The following AP1M1 variants were observed in gnomAD, a reference collection of about 807,000 sequenced individuals.
AP1M1 encodes AP-1 complex subunit mu-1.
Under a neutral mutation model 57.1 loss-of-function variants are expected in AP1M1, and 18 were observed. The ratio of observed to expected loss-of-function variants is 0.32; its 90% CI spans 0.22 to 0.47. AP1M1 has a LOEUF of 0.47. Ranked by LOEUF, AP1M1 falls within the 20% of genes least tolerant of loss-of-function variation. The probability of loss-of-function intolerance (pLI) is 1.00; values close to 1 mark genes in which losing one functional copy is unlikely to be tolerated. For missense variants in AP1M1, 362 were observed against 593.5 expected (o/e 0.61, Z 4.05); for synonymous variants, 241 against 237.9 (o/e 1.01, Z -0.12).
At chr19:16,199,669 A>G (rs2091439301) in intron 1 of AP1M1, among the ~76,000 whole-genome samples, 1 of 152,082 alleles carries the variant, frequency 6.6e-6, no homozygotes, top group Admixed American at 6.5e-5. Flanking sequence ...AAAGTCAACA[A>G]CTGGTGAGAC....
At chr19:16,229,921 CA>C (rs1292001145) in intron 9 of AP1M1, among the ~76,000 whole-genome samples, 4 of 152,222 alleles carry the variant, frequency 2.6e-5, no homozygotes, top group African/African-American at 9.6e-5. Flanking sequence ...TCTTGGCGGT[CA>C]CCTTTGGGAG....
chr19:16,210,307 A>G (rs1382554985), intron 5 of AP1M1: 1 of 697,696 alleles, frequency 1.4e-6, no homozygotes, highest in Non-Finnish European at 2.7e-6. Flanking sequence ...TAGAGTTGCT[A>G]GAAACATGTC....
intron 6 of AP1M1, 123 bp downstream of exon 6, chr19:16,226,670 C>T: frequency 1.6e-6 from 2 of 1,213,332 alleles, no homozygotes; most frequent in Non-Finnish European, 2.3e-6. Flanking sequence ...GGTTGAGCAG[C>T]ACTTCACACT....
intron 5 of AP1M1, among the ~76,000 whole-genome samples, chr19:16,222,924 T>C (rs1380801888): frequency 6.6e-6 from 1 of 152,244 alleles, no homozygotes. Flanking sequence ...ATTTTAAAAA[T>C]AGCTGTTTAA....
chr19:16,203,721 T>A lies in AP1M1; in HGVS notation c.199+106T>A. 7.1e-6 allele frequency: 9 copies of A among 1,260,362 alleles called. No individual in the cohort carries two copies. Among genetic ancestry groups the A allele is most frequent in the Admixed American group, 2.3e-5 (1 of 42,626 alleles). The allele number at this position is 1,260,362 out of a possible 1,614,324, so 78.1% of individuals were successfully genotyped here. ...GGCTGGTTTGTGCACAGCGCAAGCA[T>A]TGGACACAGCCATGCCCTCCTGGAG... On this transcript the variant is annotated intron_variant, in intron 2 of 11. Coordinates refer to ENST00000291439, the MANE Select transcript of AP1M1 (RefSeq NM_032493.4). This position sits in a 1 kb window ranked among gnomAD's most constrained non-coding sequence, Gnocchi z 4.6.
At chr19:16,226,772 T>A in intron 6 of AP1M1, 1 of 536,490 alleles carries the variant, frequency 1.9e-6, no homozygotes, top group Non-Finnish European at 3.2e-6. Flanking sequence ...GAGGCCCCCG[T>A]CACCCGGCCT....
Position 16,198,001 on chromosome 19 carries a change from C to CGCTGCCGCCGCCACCGCCCTCGGCG in AP1M1, c.-19_-18insCCGCCACCGCCCTCGGCGGCTGCCG. 1 of 1,564,158 alleles carries CGCTGCCGCCGCCACCGCCCTCGGCG rather than the reference C, an allele frequency of 6.4e-7. No individual in the cohort carries two copies. The highest frequency in any genetic ancestry group is 2.5e-5 in the East Asian group (1 of 39,336). On this transcript the variant is annotated 5_prime_UTR_variant, in exon 1 of 12. Coordinates refer to ENST00000291439, the MANE Select transcript of AP1M1 (RefSeq NM_032493.4). ...CGCTGCCGCCGCCACCGCCCTCGGC[C>CGCTGCCGCCGCCACCGCCCTCGGCG]GCTGCCGAGGCCTCCTGCAGCCATC... is the stretch of plus-strand genomic sequence containing the variant.
In AP1M1 at chr19:16,209,021, G is replaced by A; in HGVS notation, c.399-9G>A. The A allele has an allele frequency of 1.2e-6, 2 of 1,612,110 alleles. No homozygotes were observed. The highest frequency in any genetic ancestry group is 1.7e-6 in the Non-Finnish European group (2 of 1,178,728). ...CCACCTCCTTCACTCTGAGCGTGTGGCCCCACAGGTACATCACTCAGGAAG... is the reference window on the plus strand; with the variant it reads ...CCACCTCCTTCACTCTGAGCGTGTGACCCCACAGGTACATCACTCAGGAAG... On this transcript the variant is annotated splice_polypyrimidine_tract_variant and intron_variant, in intron 4 of 11. Coordinates refer to ENST00000291439, the MANE Select transcript of AP1M1 (RefSeq NM_032493.4).
At chr19:16,220,932 G>A (rs2091541460) in intron 5 of AP1M1, among the ~76,000 whole-genome samples, 2 of 152,264 alleles carry the variant, frequency 1.3e-5, no homozygotes, top group Admixed American at 1.3e-4. Flanking sequence ...TCCCCTATAG[G>A]TGATGTATTA....
intron 1 of AP1M1, among the ~76,000 whole-genome samples, chr19:16,200,080 A>G (rs1472607308): frequency 1.3e-5 from 2 of 152,140 alleles, no homozygotes; most frequent in East Asian, 3.8e-4. Flanking sequence ...GAGCAGATGC[A>G]TGAGACAGGC....
chr19:16,206,536 C>T lies in AP1M1; in HGVS notation c.267+128C>T. The T allele has an allele frequency of 1.0e-6, 1 of 984,844 alleles. No individual in the cohort carries two copies. The highest frequency in any genetic ancestry group is 1.6e-6 in the Non-Finnish European group (1 of 644,078). 61.0% of individuals were successfully genotyped at this position (984,844 alleles called of 1,614,324 possible). A position where few individuals can be genotyped will look rare whatever the true frequency, so the allele number is the denominator to read the frequency against. The stretch of plus-strand genomic sequence containing the variant: ...CCAGGGAGCACTGGGGCTGGAAGCC[C>T]AGGAAGTGGGAAAGGGGAGTCCCAA... On this transcript the variant is annotated intron_variant, in intron 3 of 11. Coordinates refer to ENST00000291439, the MANE Select transcript of AP1M1 (RefSeq NM_032493.4). This position sits in a 1 kb window ranked among gnomAD's most constrained non-coding sequence, Gnocchi z 4.3.
Position 16,243,744 on chromosome 19 carries a change from C to A in AP1M1, c.*9309C>A, listed in dbSNP as rs1342778233. The A allele has an allele frequency of 6.6e-6, 1 of 151,926 alleles. No homozygotes were observed. Among genetic ancestry groups the A allele is most frequent in the Non-Finnish European group, 1.5e-5 (1 of 68,012 alleles). The allele number at this position is 151,926 out of a possible 1,614,324, so 9.4% of individuals were successfully genotyped here. A position where few individuals can be genotyped will look rare whatever the true frequency, so the allele number is the denominator to read the frequency against. ...ATCACTTGAGCTCAGGAGTTCGAGACCAGCCTGGCCAACATGGCGAAAATC... is the reference window on the plus strand; with the variant it reads ...ATCACTTGAGCTCAGGAGTTCGAGAACAGCCTGGCCAACATGGCGAAAATC... On this transcript the variant is annotated 3_prime_UTR_variant, in exon 12 of 12. Coordinates refer to ENST00000291439, the MANE Select transcript of AP1M1 (RefSeq NM_032493.4).
In AP1M1 at chr19:16,203,387, A is replaced by C. The variant is rs1403205934; in HGVS notation, c.43-72A>C. ...AGAGCGAAGCAGGGTGGTGCATCTCACCCCCTGCCCCAAGCCCCCAGATTG... is the reference window on the plus strand; with the variant it reads ...AGAGCGAAGCAGGGTGGTGCATCTCCCCCCCTGCCCCAAGCCCCCAGATTG... On this transcript the variant is annotated intron_variant, in intron 1 of 11. Coordinates refer to ENST00000291439, the MANE Select transcript of AP1M1 (RefSeq NM_032493.4). This position sits in a 1 kb window ranked among gnomAD's most constrained non-coding sequence, Gnocchi z 4.6. 7 of 1,527,530 alleles carry C rather than the reference A, an allele frequency of 4.6e-6. No individual in the cohort carries two copies. Among genetic ancestry groups the C allele is most frequent in the Middle Eastern group, 3.5e-4 (2 of 5,792 alleles). The allele number at this position is 1,527,530 out of a possible 1,614,324, so 94.6% of individuals were successfully genotyped here. A position where few individuals can be genotyped will look rare whatever the true frequency, so the allele number is the denominator to read the frequency against.
rs1192781576 is a variant in AP1M1, at chr19:16,228,612, C to T, written c.889-158C>T. 6.6e-6 allele frequency among the ~76,000 whole-genome samples: 1 copy of T among 151,770 alleles called. No individual in the cohort carries two copies. The highest frequency in any genetic ancestry group is 1.5e-5 in the Non-Finnish European group (1 of 67,948). ...CTGAAATTAGGTCTTGGGAGAGTCT[C>T]GAGGGCAGGAGAAGGGGTGGGTAGT... On this transcript the variant is annotated intron_variant, in intron 8 of 11. Coordinates refer to ENST00000291439, the MANE Select transcript of AP1M1 (RefSeq NM_032493.4). The surrounding 1 kb of genome is among the most constrained non-coding windows in gnomAD (Gnocchi z 5.0).
chr19:16,198,188 G>A, intron 1 of AP1M1, 120 bp downstream of exon 1: 1 of 1,160,528 alleles, frequency 8.6e-7, no homozygotes, highest in African/African-American at 1.6e-5. Flanking sequence ...GAGGCAGAGA[G>A]GCCGGTAGAC....
In AP1M1 at chr19:16,235,427, C is replaced by T. The variant is rs2091620936; in HGVS notation, c.*992C>T. The T allele has an allele frequency of 6.6e-6, 1 of 152,304 alleles. No individual in the cohort carries two copies. The highest frequency in any genetic ancestry group is 1.5e-5 in the Non-Finnish European group (1 of 68,078). The allele number at this position is 152,304 out of a possible 1,614,324, so 9.4% of individuals were successfully genotyped here. A position where few individuals can be genotyped will look rare whatever the true frequency, so the allele number is the denominator to read the frequency against. On this transcript the variant is annotated 3_prime_UTR_variant, in exon 12 of 12. Coordinates refer to ENST00000291439, the MANE Select transcript of AP1M1 (RefSeq NM_032493.4). ...TGCCTGGTTTTGTCGCCGACCTTCC[C>T]TGTGGCCCCACGAGGTGTCACCAGC... is the stretch of plus-strand genomic sequence containing the variant.
chr19:16,203,653 T>C lies in AP1M1; in HGVS notation c.199+38T>C. The C allele has an allele frequency of 6.4e-7, 1 of 1,570,368 alleles. No homozygotes were observed. The highest frequency in any genetic ancestry group is 8.6e-7 in the Non-Finnish European group (1 of 1,156,286). ...TGGGGGTGCTCCCAGGGGACTCCTG[T>C]GTGGGTGTTGGTGTGTGTGCATATC... On this transcript the variant is annotated intron_variant, in intron 2 of 11. Coordinates refer to ENST00000291439, the MANE Select transcript of AP1M1 (RefSeq NM_032493.4). This position sits in a 1 kb window ranked among gnomAD's most constrained non-coding sequence, Gnocchi z 4.6.
Position 16,227,753 on chromosome 19 carries a change from G to A in AP1M1, c.816+63G>A. On this transcript the variant is annotated intron_variant, in intron 7 of 11. Transcript: ENST00000291439. This position sits in a 1 kb window ranked among gnomAD's most constrained non-coding sequence, Gnocchi z 6.2. Reference sequence around the variant, plus strand: ...TCCTCCTCCCCTTCACCTCCAGGAGGTGAAGCCCAGGCAGGCGCCAGGGCC... The same window carrying A: ...TCCTCCTCCCCTTCACCTCCAGGAGATGAAGCCCAGGCAGGCGCCAGGGCC... 1 of 1,579,014 alleles carries A rather than the reference G, an allele frequency of 6.3e-7. No individual in the cohort carries two copies. Among genetic ancestry groups the A allele is most frequent in the East Asian group, 2.3e-5 (1 of 44,344 alleles).
At chr19:16,211,313 C>T (rs1285155103) in intron 5 of AP1M1, among the ~76,000 whole-genome samples, 1 of 152,036 alleles carries the variant, frequency 6.6e-6, no homozygotes, top group Non-Finnish European at 1.5e-5. Flanking sequence ...AGGGTGGTAT[C>T]GAACTCCTGA....
Sources: gnomAD v4.1 joint callset for allele counts (sites outside exome capture counted in the v4.1 genomes callset) on GRCh38, gnomAD v4.1.1 for gene constraint, Gnocchi (gnomAD v3.1) non-coding constraint, MANE v1.5 for transcripts, NCBI Gene and HGNC (gene_info 2026-07-23, HGNC 2026-07-21) for gene names.